FAAH: variants seen among roughly 807,000 people sequenced by gnomAD.
The protein encoded by FAAH is fatty acid amide hydrolase, also known as fatty-acid amide hydrolase 1.
Under a neutral mutation model 69.7 loss-of-function variants are expected in FAAH, and 63 were observed. The ratio of observed to expected loss-of-function variants is 0.90; its 90% CI spans 0.74 to 1.12. FAAH has a LOEUF of 1.12. FAAH is among the 50% of genes most tolerant of loss of function. FAAH has a pLI of 0.00. For synonymous variants in FAAH, 305 were observed against 324.2 expected (o/e 0.94, Z 0.64); for missense variants, 680 against 755.0 (o/e 0.90, Z 1.16).
chr1:46,409,408 G>T, intron 9 of FAAH: 1 of 567,874 alleles, frequency 1.8e-6, no homozygotes, highest in Admixed American at 2.4e-5. Flanking sequence ...AGGCTGGGTT[G>T]AGTATCTGTG....
rs561936094 is a variant in FAAH, at chr1:46,410,498, G to A, written c.1275+1G>A. 3 of 1,613,876 alleles carry A rather than the reference G, an allele frequency of 1.9e-6. No homozygotes were observed. The South Asian group carries it at 3.3e-5, about 18-fold the overall frequency. ...GCTGGCCTTCCTGGTGAAGCCTCTG[G>A]TGAGGGCACAAGGAGTGGAGGGGCT... On this transcript the variant is annotated splice_donor_variant, in intron 10 of 14. Coordinates refer to ENST00000243167, the MANE Select transcript of FAAH (RefSeq NM_001441.3). LOFTEE classifies it high-confidence loss of function. The surrounding 1 kb of genome is among the most constrained non-coding windows in gnomAD (Gnocchi z 4.9).
In FAAH at chr1:46,410,565, C is replaced by G. The variant is rs977046706; in HGVS notation, c.1275+68C>G. On this transcript the variant is annotated intron_variant, in intron 10 of 14. Transcript: ENST00000243167. This position sits in a 1 kb window ranked among gnomAD's most constrained non-coding sequence, Gnocchi z 4.9. The stretch of plus-strand genomic sequence containing the variant: ...AACCTAGGGCCTCCTATCGCATGAT[C>G]CCCCATGGCCTCCCTCAGCCTCTCT... 1 of 1,413,560 alleles carries G rather than the reference C, an allele frequency of 7.1e-7. No individual in the cohort carries two copies. The highest frequency in any genetic ancestry group is 1.0e-6 in the Non-Finnish European group (1 of 1,002,472). The allele number at this position is 1,413,560 out of a possible 1,614,324, so 87.6% of individuals were successfully genotyped here. A position where few individuals can be genotyped will look rare whatever the true frequency, so the allele number is the denominator to read the frequency against.
chr1:46,412,014 A>G (rs578231103), intron 12 of FAAH, 129 bp from the exon 13 acceptor site: 6 of 814,102 alleles, frequency 7.4e-6, no homozygotes, highest in East Asian at 5.3e-5. Context: ...CCTGTGTCCC[A>G]CTGTGGCTCT....
rs187581314 is a variant in FAAH at position 46,410,183 on chromosome 1, C to A, written c.1176-215C>A. The A allele has an allele frequency of 2.5e-5, 15 of 603,170 alleles. No individual in the cohort carries two copies. Among genetic ancestry groups the A allele is most frequent in the Non-Finnish European group, 4.3e-5 (14 of 328,974 alleles). The allele number at this position is 603,170 out of a possible 1,614,324, so 37.4% of individuals were successfully genotyped here. A position where few individuals can be genotyped will look rare whatever the true frequency, so the allele number is the denominator to read the frequency against. ...TTTGCTGGAGAGGGATACCCTGAGT[C>A]CTGCCTTGGGGAGCTCCCGTGGATG... On this transcript the variant is annotated intron_variant, in intron 9 of 14. Transcript: ENST00000243167. This position sits in a 1 kb window ranked among gnomAD's most constrained non-coding sequence, Gnocchi z 4.9.
At chr1:46,412,733 C>T (rs1393908574) in intron 13 of FAAH, among the ~76,000 whole-genome samples, 2 of 152,092 alleles carry the variant, frequency 1.3e-5, no homozygotes, top group African/African-American at 2.4e-5. Context: ...ATTGCTTGAG[C>T]CCAGGAGGTC....
At chr1:46,408,125 A>C (rs548838134) in intron 7 of FAAH, among the ~76,000 whole-genome samples, 3 of 152,232 alleles carry the variant, frequency 2.0e-5, no homozygotes, top group Admixed American at 1.3e-4. Context: ...GGTGGTGGAG[A>C]GCCTCAGCTC....
intron 1 of FAAH, among the ~76,000 whole-genome samples, chr1:46,395,218 C>G (rs1298047085): frequency 6.6e-6 from 1 of 152,200 alleles, no homozygotes; most frequent in Non-Finnish European, 1.5e-5. Context: ...TGGGCGTGAG[C>G]CACCGCGCCT....
chr1:46,406,800 G>GT (rs1664807745), intron 7 of FAAH, among the ~76,000 whole-genome samples: 1 of 151,616 alleles, frequency 6.6e-6, no homozygotes. Flanking sequence ...TAGAGACGGG[G>GT]TTTCACCGTG....
Position 46,404,325 on chromosome 1 carries a change from C to T in FAAH, c.310-689C>T, listed in dbSNP as rs1272937935. Among the ~76,000 whole-genome samples, 1 of 152,236 alleles carries T rather than the reference C, an allele frequency of 6.6e-6. No homozygotes were observed. The highest frequency in any genetic ancestry group is 1.9e-4 in the East Asian group (1 of 5,200). ...GTTTCCCCCAGATACTCCCCAGGAG[C>T]AGGAATATTTACTGAAAGCTGCATC... On this transcript the variant is annotated intron_variant, in intron 2 of 14. Coordinates refer to ENST00000243167, the MANE Select transcript of FAAH (RefSeq NM_001441.3). This position sits in a 1 kb window ranked among gnomAD's most constrained non-coding sequence, Gnocchi z 4.5.
intron 1 of FAAH, among the ~76,000 whole-genome samples, chr1:46,395,792 T>A (rs535619921): frequency 6.6e-6 from 1 of 152,218 alleles, no homozygotes; most frequent in Non-Finnish European, 1.5e-5. Context: ...AGCCACACTT[T>A]CGTGGAGAGG....
chr1:46,400,762 G>A (rs1425752912), intron 1 of FAAH, among the ~76,000 whole-genome samples: 1 of 124,360 alleles, frequency 8.0e-6, no homozygotes, highest in Non-Finnish European at 1.7e-5. Context: ...GATGTGGGAT[G>A]AGTGGAGAGC....
intron 1 of FAAH, among the ~76,000 whole-genome samples, chr1:46,395,728 T>G (rs897705904): frequency 6.6e-6 from 1 of 152,070 alleles, no homozygotes; most frequent in African/African-American, 2.4e-5. Flanking sequence ...CCGCAAGTGA[T>G]TTTTGAGTTG....
Position 46,405,709 on chromosome 1 carries a change from T to A in FAAH, c.700T>A (p.Leu234Ile). 1.2e-6 allele frequency: 2 copies of A among 1,613,560 alleles called. No homozygotes were observed. Among genetic ancestry groups the A allele is most frequent in the Non-Finnish European group, 1.7e-6 (2 of 1,180,028 alleles). Residue 234 changes from leucine (L) to isoleucine (I), a missense_variant, in exon 5 of 15, where the codon TTA becomes ATA. Physicochemically the swap from Leu to Ile is conservative, Grantham distance 5. Coordinates refer to ENST00000243167, the MANE Select transcript of FAAH (RefSeq NM_001441.3). The surrounding 1 kb of genome is among the most constrained non-coding windows in gnomAD (Gnocchi z 4.1). ...CGGGTCTGGAGGCTCCCCCCTGGGCTTAGGCACTGATATCGGAGGCAGCAT... is the reference window on the plus strand; with the variant it reads ...CGGGTCTGGAGGCTCCCCCCTGGGCATAGGCACTGATATCGGAGGCAGCAT... Reference protein sequence around the residue: ...LIGSGGSPLGLGTDIGGSIRF... With the variant: ...LIGSGGSPLGIGTDIGGSIRF...
At chr1:46,412,377 T>C (rs1407510056) in intron 13 of FAAH, 126 bp downstream of exon 13, 2 of 783,310 alleles carry the variant, frequency 2.6e-6, no homozygotes, top group African/African-American at 3.4e-5. Flanking sequence ...TCTGGCTGAC[T>C]GGAGACATGG....
chr1:46,395,908 G>A (rs1664589404), intron 1 of FAAH, among the ~76,000 whole-genome samples: 1 of 152,208 alleles, frequency 6.6e-6, no homozygotes, highest in Non-Finnish European at 1.5e-5. Context: ...TTCTCCTCAG[G>A]TGGGACAAGA....
chr1:46,413,258 C>T, intron 14 of FAAH, 38 bp downstream of exon 14: 2 of 1,613,774 alleles, frequency 1.2e-6, no homozygotes, highest in South Asian at 1.1e-5. Context: ...ACTCACTCCC[C>T]ACCCTGACTC....
At position 46,413,243 on chromosome 1, in the gene FAAH, A is replaced by G. The variant is rs756649373; in HGVS notation, c.1611+23A>G. 5 of 1,613,806 alleles carry G rather than the reference A, an allele frequency of 3.1e-6. No homozygotes were observed. The African/African-American group carries it at 5.3e-5, about 17-fold the overall frequency. On this transcript the variant is annotated intron_variant, in intron 14 of 14. Transcript: ENST00000243167. The stretch of plus-strand genomic sequence containing the variant: ...AAGGTGAGGACTGACCTGCCCCTCA[A>G]CTGGACTCACTCCCCACCCTGACTC...
At chr1:46,396,005 C>T (rs775667223) in intron 1 of FAAH, among the ~76,000 whole-genome samples, 10 of 151,810 alleles carry the variant, frequency 6.6e-5, no homozygotes, top group African/African-American at 2.2e-4. Context: ...AGGGAGGACC[C>T]GCGCCAGCAC....
chr1:46,394,626 A>G, intron 1 of FAAH, 83 bp downstream of exon 1: 2 of 1,167,902 alleles, frequency 1.7e-6, no homozygotes, highest in Non-Finnish European at 2.2e-6. Context: ...GCCGAGGGAC[A>G]GGGGATGGGG....
Sources: gnomAD v4.1 joint callset for allele counts (sites outside exome capture counted in the v4.1 genomes callset) on GRCh38, gnomAD v4.1.1 for gene constraint, Gnocchi (gnomAD v3.1) non-coding constraint, MANE v1.5 for transcripts, NCBI Gene and HGNC (gene_info 2026-07-23, HGNC 2026-07-21) for gene names.